ITPR3: variants seen among roughly 807,000 people sequenced by gnomAD.
ITPR3 encodes inositol 1,4,5-trisphosphate receptor type 3.
Under a neutral mutation model 293.2 loss-of-function variants are expected in ITPR3, and 173 were observed. The observed-to-expected ratio is 0.59, with a 90% confidence interval of 0.52 to 0.67. The LOEUF is 0.67. Ranked by LOEUF, ITPR3 falls within the 30% of genes least tolerant of loss-of-function variation. ITPR3 has a pLI of 0.00. For missense variants in ITPR3, 2,796 were observed against 3,592.1 expected, an observed-to-expected ratio of 0.78 and a Z score of 5.66; for synonymous variants, 1,295 against 1,444.4, an observed-to-expected ratio of 0.90 and a Z score of 2.35.
intron 7 of ITPR3, among the ~76,000 whole-genome samples, chr6:33,660,783 G>T (rs1309758720): frequency 6.6e-6 from 1 of 152,082 alleles, no homozygotes; most frequent in Non-Finnish European, 1.5e-5. Flanking sequence ...ACAAAAATTA[G>T]CCAGGCGTGG....
chr6:33,684,580 A>G lies in ITPR3; in HGVS notation c.5047-18A>G. 6.2e-7 allele frequency: 1 copy of G among 1,612,944 alleles called. No homozygotes were observed. Among genetic ancestry groups the G allele is most frequent in the Non-Finnish European group, 8.5e-7 (1 of 1,179,118 alleles). On this transcript the variant is annotated intron_variant, in intron 37 of 57. Coordinates refer to ENST00000605930, the MANE Select transcript of ITPR3 (RefSeq NM_002224.4). This position sits in a 1 kb window ranked among gnomAD's most constrained non-coding sequence, Gnocchi z 4.2. ...TGGGCTGTACCCACAATGGGGCCTC[A>G]CTCCCATCCTCCCCCAGGGCAACCA...
At position 33,694,810 on chromosome 6, in the gene ITPR3, C is replaced by T. The variant is rs1416939174; in HGVS notation, c.7786-114C>T. ...AGATTTTCCCATGACACATCCCTGA[C>T]GAGTAGTTTTGTTAAGGGTGTGGCA... On this transcript the variant is annotated intron_variant, in intron 56 of 57. Transcript: ENST00000605930. 9.9e-6 allele frequency: 13 copies of T among 1,314,128 alleles called. 1 individual carries two copies. The highest frequency in any genetic ancestry group is 4.7e-5 in the East Asian group (2 of 42,700). The allele number at this position is 1,314,128 out of a possible 1,614,324, so 81.4% of individuals were successfully genotyped here. A position where few individuals can be genotyped will look rare whatever the true frequency, so the allele number is the denominator to read the frequency against.
At chr6:33,688,520 C>T in intron 48 of ITPR3, 89 bp downstream of exon 48, 1 of 1,501,694 alleles carries the variant, frequency 6.7e-7, no homozygotes. Context: ...CCTGTGGGTG[C>T]CCTGCGCCCA....
chr6:33,668,056 A>C (rs1266069587), intron 16 of ITPR3, 92 bp downstream of exon 16: 1 of 1,423,582 alleles, frequency 7.0e-7, no homozygotes, highest in South Asian at 1.3e-5. Flanking sequence ...CTATTCCTGC[A>C]CCTGTTGGTA....
chr6:33,626,992 G>C (rs1763563050), intron 1 of ITPR3, among the ~76,000 whole-genome samples: 1 of 152,156 alleles, frequency 6.6e-6, no homozygotes, highest in African/African-American at 2.4e-5. Context: ...ATTTTTAGTA[G>C]AGATGGGGTT....
chr6:33,658,975 G>T lies in ITPR3; in HGVS notation c.529-46G>T, dbSNP rs373153941. On this transcript the variant is annotated intron_variant, in intron 5 of 57. Transcript: ENST00000605930. The surrounding 1 kb of genome is among the most constrained non-coding windows in gnomAD (Gnocchi z 6.1). ...GGGAGGCCTGGAGGCGTGGTGACAAGAGGGCCCTGCCCTTCCCACCTAACC... is the reference window on the plus strand; with the variant it reads ...GGGAGGCCTGGAGGCGTGGTGACAATAGGGCCCTGCCCTTCCCACCTAACC... 111 of 1,608,302 alleles carry T rather than the reference G, an allele frequency of 6.9e-5. No individual in the cohort carries two copies. Among genetic ancestry groups the T allele is most frequent in the Non-Finnish European group, 9.2e-5 (108 of 1,175,050 alleles).
chr6:33,686,869 G>C lies in ITPR3; in HGVS notation c.5980-140G>C, dbSNP rs760885388. 9 of 704,560 alleles carry C rather than the reference G, an allele frequency of 1.3e-5. No individual in the cohort carries two copies. In the African/African-American group the frequency reaches 1.4e-4, roughly 11 times the overall value. The allele number at this position is 704,560 out of a possible 1,614,324, so 43.6% of individuals were successfully genotyped here. ...TGTGCAGGATGCTTCTCATTAAGCC[G>C]GGGGGAGGGAGGATGGGAAGGTCAT... is the stretch of plus-strand genomic sequence containing the variant. On this transcript the variant is annotated intron_variant, in intron 43 of 57. Transcript: ENST00000605930.
intron 57 of ITPR3, chr6:33,695,394 A>C (rs2281919): frequency 0.16 from 91,064 of 556,010 alleles, 8,430 homozygotes; most frequent in Middle Eastern, 0.21. Context: ...ATCACTGGAG[A>C]TGGGGGAGTT....
intron 1 of ITPR3, among the ~76,000 whole-genome samples, chr6:33,634,885 A>C (rs1285569331): frequency 6.6e-6 from 1 of 152,040 alleles, no homozygotes; most frequent in Non-Finnish European, 1.5e-5. Flanking sequence ...TTTTTTCCTC[A>C]GACAGGGACC....
intron 8 of ITPR3, 26 bp downstream of exon 8, chr6:33,662,700 C>T (rs1271213750): frequency 6.2e-7 from 1 of 1,601,868 alleles, no homozygotes; most frequent in Admixed American, 1.7e-5. Flanking sequence ...CTTCTGGCAC[C>T]CCGGACTCAG....
At chr6:33,694,048 T>C (rs560585562) in intron 56 of ITPR3, among the ~76,000 whole-genome samples, 1 of 152,168 alleles carries the variant, frequency 6.6e-6, no homozygotes, top group South Asian at 2.1e-4. Context: ...GGGCCTGTCG[T>C]GCAGTGATGC....
At position 33,667,839 on chromosome 6, in the gene ITPR3, C is replaced by T. The variant is rs147579072; in HGVS notation, c.1761C>T (p.Tyr587=). 161 of 1,614,020 alleles carry T rather than the reference C, an allele frequency of 1.0e-4. No individual in the cohort carries two copies. The highest frequency in any genetic ancestry group is 1.8e-4 in the Admixed American group (11 of 60,004). Residue 587 remains tyrosine (Y), a synonymous_variant, in exon 16 of 58, where the codon TAC becomes TAT. Coordinates refer to ENST00000605930, the MANE Select transcript of ITPR3 (RefSeq NM_002224.4). This position sits in a 1 kb window ranked among gnomAD's most constrained non-coding sequence, Gnocchi z 4.4. ...GGATGATGCAGTCCCAGATTGGCTA[C>T]GACATCCTGGCCGAGGACACCATCA... The part of the protein sequence containing the change: ...QFGMMQSQIG[Y]DILAEDTITA...
intron 51 of ITPR3, among the ~76,000 whole-genome samples, chr6:33,690,602 A>C (rs935677117): frequency 1.3e-5 from 2 of 152,222 alleles, no homozygotes; most frequent in Non-Finnish European, 2.9e-5. Flanking sequence ...GAGCTAATGC[A>C]TGGAAAGCAC....
rs757422590 is a variant in ITPR3, at chr6:33,682,706, G to A, written c.4597+62G>A. 4.3e-4 allele frequency: 658 copies of A among 1,538,442 alleles called. No homozygotes were observed. Among genetic ancestry groups the A allele is most frequent in the Non-Finnish European group, 5.6e-4 (639 of 1,151,348 alleles). On this transcript the variant is annotated intron_variant, in intron 34 of 57. Coordinates refer to ENST00000605930, the MANE Select transcript of ITPR3 (RefSeq NM_002224.4). The surrounding 1 kb of genome is among the most constrained non-coding windows in gnomAD (Gnocchi z 5.4). ...TCCTCCTGCCGCTCACAGTGGGGAC[G>A]CCTGCCCTCCTAATAAACACTTTAT...
chr6:33,683,936 T>A lies in ITPR3; in HGVS notation c.4789-84T>A. 6.8e-7 allele frequency: 1 copy of A among 1,468,804 alleles called. No individual in the cohort carries two copies. Among genetic ancestry groups the A allele is most frequent in the Non-Finnish European group, 9.2e-7 (1 of 1,088,182 alleles). 91.0% of individuals were successfully genotyped at this position (1,468,804 alleles called of 1,614,324 possible). A position where few individuals can be genotyped will look rare whatever the true frequency, so the allele number is the denominator to read the frequency against. On this transcript the variant is annotated intron_variant, in intron 35 of 57. Transcript: ENST00000605930. The surrounding 1 kb of genome is among the most constrained non-coding windows in gnomAD (Gnocchi z 4.5). ...ACAGAGGCAGGGCAATCTGTGGGGC[T>A]GTTTGGCGTTTGGGTCGGAGGAATG...
In ITPR3 at chr6:33,691,211, C is replaced by T; in HGVS notation, c.7225+102C>T. 2.7e-6 allele frequency: 3 copies of T among 1,108,868 alleles called. No individual in the cohort carries two copies. The highest frequency in any genetic ancestry group is 2.1e-5 in the Admixed American group (1 of 47,980). The allele number at this position is 1,108,868 out of a possible 1,614,324, so 68.7% of individuals were successfully genotyped here. A position where few individuals can be genotyped will look rare whatever the true frequency, so the allele number is the denominator to read the frequency against. On this transcript the variant is annotated intron_variant, in intron 52 of 57. Coordinates refer to ENST00000605930, the MANE Select transcript of ITPR3 (RefSeq NM_002224.4). This position sits in a 1 kb window ranked among gnomAD's most constrained non-coding sequence, Gnocchi z 4.9. ...GACCTGCAGCGCTTACCTCACCAGG[C>T]TCCCGTCTGCTTCTCCTCTTGGCTT...
In ITPR3 at chr6:33,667,249, C is replaced by G; in HGVS notation, c.1672C>G (p.Arg558Gly). Residue 558 changes from arginine (R) to glycine (G), a missense_variant, in exon 15 of 58, where the codon CGC becomes GGC. Physicochemically the swap from Arg to Gly is moderately radical, Grantham distance 125. Coordinates refer to ENST00000605930, the MANE Select transcript of ITPR3 (RefSeq NM_002224.4). The surrounding 1 kb of genome is among the most constrained non-coding windows in gnomAD (Gnocchi z 4.4). ...CCAGCACATGTTCCGCCTGTGCTACCGCGTGTTGCGGCATTCCCAGGAGGA... is the reference window on the plus strand; with the variant it reads ...CCAGCACATGTTCCGCCTGTGCTACGGCGTGTTGCGGCATTCCCAGGAGGA... ...PYQHMFRLCY[R>G]VLRHSQEDYR... 3 of 1,613,438 alleles carry G rather than the reference C, an allele frequency of 1.9e-6. No individual in the cohort carries two copies. Among genetic ancestry groups the G allele is most frequent in the Non-Finnish European group, 2.5e-6 (3 of 1,179,968 alleles).
At chr6:33,651,653 G>C (rs1259884052) in intron 2 of ITPR3, among the ~76,000 whole-genome samples, 1 of 152,228 alleles carries the variant, frequency 6.6e-6, no homozygotes. Flanking sequence ...AAAAGTAGCT[G>C]AGTGTTTCTA....
chr6:33,680,538 CCT>C lies in ITPR3; in HGVS notation c.4351-11_4351-10del. ...CCCATGTGAGGAGCCCCCAGCCATCCCTCTCTCCTGCCTCAGGTCTGCAGCAA... is the reference window on the plus strand; with the variant it reads ...CCCATGTGAGGAGCCCCCAGCCATCCCTCTCCTGCCTCAGGTCTGCAGCAA... On this transcript the variant is annotated splice_polypyrimidine_tract_variant and intron_variant, in intron 32 of 57. Coordinates refer to ENST00000605930, the MANE Select transcript of ITPR3 (RefSeq NM_002224.4). The C allele has an allele frequency of 6.2e-7, 1 of 1,612,754 alleles. No homozygotes were observed.
Sources: allele counts gnomAD v4.1 joint callset (sites outside exome capture counted in the v4.1 genomes callset), GRCh38; gene constraint gnomAD v4.1.1; non-coding constraint Gnocchi (gnomAD v3.1); transcripts MANE v1.5; gene names NCBI Gene and HGNC (gene_info 2026-07-23, HGNC 2026-07-21).